Variants in CFAP46 observed in about 807,000 individuals in gnomAD.
The protein encoded by CFAP46 is cilia and flagella associated protein 46.
CFAP46 carries 245 observed loss-of-function variants against 325.7 expected under a neutral mutation model. The observed-to-expected ratio is 0.75, with a 90% confidence interval of 0.68 to 0.84. CFAP46 has a LOEUF of 0.84. CFAP46 is among the 40% of genes least tolerant of loss of function. CFAP46 has a pLI of 0.00. For missense variants in CFAP46, 3,346 were observed against 3,543.0 expected, an observed-to-expected ratio of 0.94 and a Z score of 1.41; for synonymous variants, 1,523 against 1,495.9, an observed-to-expected ratio of 1.02 and a Z score of -0.42.
chr10:132,814,653 T>C, intron 52 of CFAP46, 33 bp downstream of exon 52: 1 of 1,582,846 alleles, frequency 6.3e-7, no homozygotes, highest in Non-Finnish European at 8.6e-7. Context: ...CAGGGCGGGG[T>C]CTGGGGCCCC....
Position 132,857,576 on chromosome 10 carries a change from G to A in CFAP46, c.5574+14C>T. ...AGTGACCCAGTGTGCACAGGAACCA[G>A]GACACCTGCTTACGTCTTGAAGTGA... On this transcript the variant is annotated intron_variant, in intron 39 of 57. Transcript: ENST00000368586. 1 of 1,610,964 alleles carries A rather than the reference G, an allele frequency of 6.2e-7. No individual in the cohort carries two copies. The highest frequency in any genetic ancestry group is 8.5e-7 in the Non-Finnish European group (1 of 1,179,322).
intron 44 of CFAP46, 152 bp downstream of exon 44, chr10:132,845,905 G>T: frequency 1.2e-6 from 1 of 845,506 alleles, no homozygotes; most frequent in Non-Finnish European, 1.8e-6. Flanking sequence ...AGGCGACCCA[G>T]GTGCACATGG....
intron 44 of CFAP46, among the ~76,000 whole-genome samples, chr10:132,840,038 C>CAA (rs79919672): frequency 0.088 from 13,445 of 152,224 alleles, 603 homozygotes; most frequent in Non-Finnish European, 0.098. Context: ...TATGAGTTTT[C>CAA]AGAGGTTATT....
At chr10:132,863,008 G>A (rs1299189370) in intron 35 of CFAP46, among the ~76,000 whole-genome samples, 2 of 152,156 alleles carry the variant, frequency 1.3e-5, no homozygotes, top group Non-Finnish European at 2.9e-5. Flanking sequence ...TGTCAGAAGC[G>A]CCTGCTGTGA....
chr10:132,813,345 C>A (rs1196740700), intron 54 of CFAP46, among the ~76,000 whole-genome samples: 1 of 140,840 alleles, frequency 7.1e-6, no homozygotes, highest in East Asian at 2.1e-4. Context: ...ACCCTCTGCA[C>A]ACACCTGCCC....
intron 56 of CFAP46, 70 bp from the exon 57 acceptor site, chr10:132,810,559 GC>G: frequency 7.3e-7 from 1 of 1,378,484 alleles, no homozygotes; most frequent in Non-Finnish European, 1.0e-6. Flanking sequence ...TGCGGGACAG[GC>G]CCGGGATGCC....
intron 55 of CFAP46, among the ~76,000 whole-genome samples, chr10:132,811,613 C>T (rs1049474041): frequency 1.3e-5 from 2 of 152,222 alleles, no homozygotes; most frequent in Non-Finnish European, 2.9e-5. Flanking sequence ...CACTTCCACT[C>T]GCAGCCTGGC....
At chr10:132,861,944 A>G (rs1848727066) in intron 35 of CFAP46, among the ~76,000 whole-genome samples, 1 of 152,154 alleles carries the variant, frequency 6.6e-6, no homozygotes, top group Non-Finnish European at 1.5e-5. Context: ...CGTTCCATGC[A>G]TTTAGATGCC....
At chr10:132,846,874 C>T in intron 43 of CFAP46, 58 bp downstream of exon 43, 6 of 1,539,492 alleles carry the variant, frequency 3.9e-6, no homozygotes, top group Non-Finnish European at 4.4e-6. Flanking sequence ...AGCTGAAGCC[C>T]AGGGTCCTCC....
chr10:132,942,126 G>A (rs1169908553), intron 1 of CFAP46, 22 bp from the exon 2 acceptor site: 1 of 1,551,272 alleles, frequency 6.4e-7, no homozygotes, highest in Non-Finnish European at 8.7e-7. Context: ...GGGTGGTTGA[G>A]GAAGGTTTGG....
chr10:132,908,505 G>C lies in CFAP46; in HGVS notation c.2887C>G (p.Leu963Val), dbSNP rs1849491970. Residue 963 changes from leucine (L) to valine (V), a missense_variant, in exon 22 of 58, where the codon CTG becomes GTG. By Grantham distance (32) the Leu-to-Val change is conservative (BLOSUM62 1). Coordinates refer to ENST00000368586, the MANE Select transcript of CFAP46 (RefSeq NM_001200049.3). The part of the protein sequence containing the change: ...ETTMACAHRA[L>V]EMGIKYLKKF... ...TTCAGGTACTTGATGCCCATCTCCAGAGCCCTGTGAGCACAGGCCATGGTG... is the reference window on the plus strand; with the variant it reads ...TTCAGGTACTTGATGCCCATCTCCACAGCCCTGTGAGCACAGGCCATGGTG... 6.4e-7 allele frequency: 1 copy of C among 1,550,540 alleles called. No individual in the cohort carries two copies. The highest frequency in any genetic ancestry group is 2.4e-5 in the East Asian group (1 of 40,922).
Position 132,892,325 on chromosome 10 carries a change from C to A in CFAP46, c.3304+8G>T. 3 of 1,550,704 alleles carry A rather than the reference C, an allele frequency of 1.9e-6. No individual in the cohort carries two copies. Among genetic ancestry groups the A allele is most frequent in the Non-Finnish European group, 2.6e-6 (3 of 1,146,944 alleles). On this transcript the variant is annotated splice_region_variant and intron_variant, in intron 25 of 57. Transcript: ENST00000368586. ...GGAGCCTGTGGGTCTGTCTGTCCTG[C>A]TACAAACCTGGAAGAAAATATCCTT...
Position 132,808,864 on chromosome 10 carries a change from G to A in CFAP46, c.7705C>T (p.Pro2569Ser). 1 of 1,600,618 alleles carries A rather than the reference G, an allele frequency of 6.2e-7. No individual in the cohort carries two copies. The highest frequency in any genetic ancestry group is 8.5e-7 in the Non-Finnish European group (1 of 1,170,434). ...SDLEGQAAAA[P>S]KLRAPSHHAQ... ...TGGTGGGAAGGAGCTCGGAGCTTTG[G>A]AGCAGCAGCAGCTTGTCCTTCAAGG... Residue 2569 changes from proline (P) to serine (S), a missense_variant, in exon 58 of 58, where the codon CCA becomes TCA. Physicochemically the swap from Pro to Ser is moderately conservative, Grantham distance 74. Coordinates refer to ENST00000368586, the MANE Select transcript of CFAP46 (RefSeq NM_001200049.3). The surrounding 1 kb of genome is among the most constrained non-coding windows in gnomAD (Gnocchi z 6.8).
intron 50 of CFAP46, among the ~76,000 whole-genome samples, chr10:132,821,636 T>G: frequency 7.2e-6 from 1 of 138,296 alleles, no homozygotes; most frequent in East Asian, 2.4e-4. Flanking sequence ...GTGTGTGCTG[T>G]GTGCTGTGTG....
Position 132,883,721 on chromosome 10 carries a change from C to A in CFAP46, c.3627+1382G>T, listed in dbSNP as rs114916535. The stretch of plus-strand genomic sequence containing the variant: ...GACAATGGGAAGCAACACAAATAGC[C>A]ATCTGTGGACTGTAAGACACATAAC... On this transcript the variant is annotated intron_variant, in intron 27 of 57. Coordinates refer to ENST00000368586, the MANE Select transcript of CFAP46 (RefSeq NM_001200049.3). 3.7e-3 allele frequency among the ~76,000 whole-genome samples: 561 copies of A among 152,336 alleles called. 5 individuals are homozygous for A. Among genetic ancestry groups the A allele is most frequent in the African/African-American group, 0.013 (541 of 41,554 alleles).
chr10:132,842,156 G>A (rs1228420319), intron 44 of CFAP46, among the ~76,000 whole-genome samples: 2 of 152,164 alleles, frequency 1.3e-5, no homozygotes, highest in Non-Finnish European at 2.9e-5. Flanking sequence ...TCCGTGTAGT[G>A]GTTAGAAGTA....
rs537330495 is a variant in CFAP46, at chr10:132,810,958, C to T, written c.7575G>A (p.Glu2525=). Residue 2525 remains glutamate (E), a synonymous_variant, in exon 56 of 58, where the codon GAG becomes GAA. Transcript: ENST00000368586. ...QSLKRHMESV[E]HRRSVGRWEA... is the part of the protein sequence containing the mutation. ...TCCAGGCAGCCAGGCACCTCCTGTGCTCCACGCTCTCCATGTGCCTCTTCA... is the reference window on the plus strand; with the variant it reads ...TCCAGGCAGCCAGGCACCTCCTGTGTTCCACGCTCTCCATGTGCCTCTTCA... 2.5e-6 allele frequency: 4 copies of T among 1,600,210 alleles called. No individual in the cohort carries two copies. Among genetic ancestry groups the T allele is most frequent in the East Asian group, 4.5e-5 (2 of 44,300 alleles).
chr10:132,810,436 T>A lies in CFAP46; in HGVS notation c.7637A>T (p.Asp2546Val), dbSNP rs547391107. 5.6e-6 allele frequency: 9 copies of A among 1,613,500 alleles called. No individual in the cohort carries two copies. The East Asian group carries it at 2.0e-4, about 36-fold the overall frequency. Reference protein sequence around the residue: ...NWRNSASPSEDEWRRGGEPRR... With the variant: ...NWRNSASPSEVEWRRGGEPRR... ...TGGTTCACCGCCTCGTCGCCACTCATCTTCTGAAGGAGACGCACTGTTTCT... is the reference window on the plus strand; with the variant it reads ...TGGTTCACCGCCTCGTCGCCACTCAACTTCTGAAGGAGACGCACTGTTTCT... The change falls in exon 57 of 58, where the codon GAT becomes GTT. Residue 2546 changes from aspartate to valine, a missense_variant. Physicochemically the swap from Asp to Val is radical, Grantham distance 152. Coordinates refer to ENST00000368586, the MANE Select transcript of CFAP46 (RefSeq NM_001200049.3).
At chr10:132,918,603 G>A in intron 15 of CFAP46, 83 bp from the exon 16 acceptor site, 1 of 1,451,704 alleles carries the variant, frequency 6.9e-7, no homozygotes, top group East Asian at 2.5e-5. Context: ...CCATCTTGGA[G>A]TGCCTGAGCC....
Sources: gnomAD v4.1 joint callset for allele counts (sites outside exome capture counted in the v4.1 genomes callset) on GRCh38, gnomAD v4.1.1 for gene constraint, Gnocchi (gnomAD v3.1) non-coding constraint, MANE v1.5 for transcripts, NCBI Gene and HGNC (gene_info 2026-07-23, HGNC 2026-07-21) for gene names.